The following PDPK1 variants were observed in gnomAD, a reference collection of about 807,000 sequenced individuals.
PDPK1 encodes the protein 3-phosphoinositide-dependent protein kinase 1.
A neutral mutation model predicts 39.8 loss-of-function variants in PDPK1; 7 were observed. That is an observed-to-expected ratio of 0.18 (90% CI 0.10 to 0.33). The LOEUF (loss-of-function observed/expected upper bound fraction) is 0.33. Among genes scored for constraint, PDPK1 ranks in the 10% least tolerant of loss-of-function variants. PDPK1 has a pLI of 1.00. For synonymous variants in PDPK1, 118 were observed against 159.1 expected (o/e 0.74, Z 1.95); for missense variants, 182 against 384.7 (o/e 0.47, Z 4.41).
At chr16:2,540,428 C>T (rs1216534323) in intron 1 of PDPK1, among the ~76,000 whole-genome samples, 3 of 152,160 alleles carry the variant, frequency 2.0e-5, no homozygotes, top group Non-Finnish European at 4.4e-5. Context: ...AGAAGCTGAG[C>T]TGCAGAGGCG....
Position 2,586,687 on chromosome 16 carries a change from C to T in PDPK1, c.1137C>T (p.Leu379=). The T allele has an allele frequency of 1.9e-6, 3 of 1,614,174 alleles. No homozygotes were observed. The highest frequency in any genetic ancestry group is 2.2e-5 in the South Asian group (2 of 91,080). The change falls in exon 11 of 14, where the codon CTC becomes CTT. Residue 379 remains leucine, a synonymous_variant. Coordinates refer to ENST00000342085, the MANE Select transcript of PDPK1 (RefSeq NM_002613.5). Reference sequence around the variant, plus strand: ...CTTCTTCTCTGCAGTATGACAATCTCCTGAGCCAGTTTGGCTGCATGCAGG... The same window carrying T: ...CTTCTTCTCTGCAGTATGACAATCTTCTGAGCCAGTTTGGCTGCATGCAGG... ...DEDCYGNYDN[L]LSQFGCMQVS... is the part of the protein sequence containing the mutation.
intron 1 of PDPK1, among the ~76,000 whole-genome samples, chr16:2,543,438 A>G (rs886296982): frequency 9.6e-6 from 1 of 104,284 alleles, no homozygotes; most frequent in African/African-American, 4.0e-5. Context: ...GAGGGCTCCA[A>G]GGACTTGCTG....
At chr16:2,546,257 T>C (rs2066343999) in intron 1 of PDPK1, among the ~76,000 whole-genome samples, 1 of 151,590 alleles carries the variant, frequency 6.6e-6, no homozygotes, top group Non-Finnish European at 1.5e-5. Context: ...CTAATTTTTG[T>C]GTTTTTAGTA....
At chr16:2,596,957 A>T (rs1249880981) in intron 12 of PDPK1, among the ~76,000 whole-genome samples, 166 bp from the exon 13 acceptor site, 1 of 151,964 alleles carries the variant, frequency 6.6e-6, no homozygotes, top group African/African-American at 2.4e-5. Flanking sequence ...GACCTTAGAA[A>T]CTGGGCCTGG....
chr16:2,573,765 T>TTTC (rs1422128950), intron 6 of PDPK1, among the ~76,000 whole-genome samples: 1 of 137,820 alleles, frequency 7.3e-6, no homozygotes, highest in Non-Finnish European at 1.5e-5. Context: ...AATTGTGAAT[T>TTTC]TTCTTCCCTT....
chr16:2,558,495 A>G (rs2066546452), intron 2 of PDPK1, among the ~76,000 whole-genome samples: 1 of 150,568 alleles, frequency 6.6e-6, no homozygotes, highest in Non-Finnish European at 1.5e-5. Flanking sequence ...CACAAACAGG[A>G]GTATTGTCGC....
At chr16:2,589,048 T>A (rs1361341635) in intron 11 of PDPK1, among the ~76,000 whole-genome samples, 1 of 152,178 alleles carries the variant, frequency 6.6e-6, no homozygotes, top group East Asian at 1.9e-4. Context: ...CTCCGCCTCC[T>A]GGGTTAAAGT....
At position 2,597,096 on chromosome 16, in the gene PDPK1, G is replaced by A; in HGVS notation, c.1402-27G>A. ...GATGCCGTCAGCACTGGCCTCTGAG[G>A]CCTGTTGTTTTGTGTTTTGGCGTCA... On this transcript the variant is annotated intron_variant, in intron 12 of 13. Coordinates refer to ENST00000342085, the MANE Select transcript of PDPK1 (RefSeq NM_002613.5). The surrounding 1 kb of genome is among the most constrained non-coding windows in gnomAD (Gnocchi z 6.3). The A allele has an allele frequency of 6.5e-7, 1 of 1,535,090 alleles. No homozygotes were observed.
chr16:2,595,551 G>C (rs773068241), intron 11 of PDPK1, among the ~76,000 whole-genome samples: 1 of 152,206 alleles, frequency 6.6e-6, no homozygotes, highest in South Asian at 2.1e-4. Flanking sequence ...TGGCAGTGAG[G>C]GGGCAACAGG....
intron 1 of PDPK1, chr16:2,538,752 G>C (rs1295162088): frequency 7.8e-7 from 1 of 1,286,176 alleles, no homozygotes; most frequent in African/African-American, 1.5e-5. Context: ...GGATCACCGA[G>C]GGGAAAGTGA....
At chr16:2,592,280 T>TGG (rs1049002282) in intron 11 of PDPK1, among the ~76,000 whole-genome samples, 1 of 152,024 alleles carries the variant, frequency 6.6e-6, no homozygotes, top group South Asian at 2.1e-4. Flanking sequence ...TGTGCAGAGG[T>TGG]GGGGAGAGGT....
intron 7 of PDPK1, chr16:2,580,082 T>C (rs2066794780): frequency 6.7e-6 from 1 of 149,874 alleles, no homozygotes; most frequent in Admixed American, 6.6e-5. Flanking sequence ...GTGCATTTTA[T>C]AGCTGTTTGC....
intron 1 of PDPK1, among the ~76,000 whole-genome samples, chr16:2,543,651 A>G (rs1170670503): frequency 1.3e-5 from 2 of 151,760 alleles, no homozygotes; most frequent in Non-Finnish European, 2.9e-5. Context: ...CTCCTTGCCT[A>G]GAGAAATTTC....
chr16:2,547,266 T>TCGTCTG (rs1567146712), intron 1 of PDPK1, among the ~76,000 whole-genome samples: 2 of 145,704 alleles, frequency 1.4e-5, no homozygotes, highest in Non-Finnish European at 2.9e-5. Flanking sequence ...AGCGCTAGGT[T>TCGTCTG]CGTCTGCGTT....
intron 12 of PDPK1, among the ~76,000 whole-genome samples, 196 bp from the exon 13 acceptor site, chr16:2,596,927 G>C (rs1465500246): frequency 6.6e-6 from 1 of 152,162 alleles, no homozygotes; most frequent in Non-Finnish European, 1.5e-5. Context: ...AGCAGCAGAG[G>C]CCTGTGCTGC....
rs2067117903 is a variant in PDPK1 at position 2,597,046 on chromosome 16, CCG to C, written c.1402-75_1402-74del. On this transcript the variant is annotated intron_variant, in intron 12 of 13. Transcript: ENST00000342085. This position sits in a 1 kb window ranked among gnomAD's most constrained non-coding sequence, Gnocchi z 6.3. ...CTGTGTCCTGAGCAGCTCCGAGGGG[CCG>C]CCCAGCCCTCTAGGCTCCAGGAGAT... The C allele has an allele frequency of 8.0e-7, 1 of 1,242,924 alleles. No homozygotes were observed. Among genetic ancestry groups the C allele is most frequent in the African/African-American group, 1.5e-5 (1 of 66,336 alleles). The allele number at this position is 1,242,924 out of a possible 1,614,324, so 77.0% of individuals were successfully genotyped here.
chr16:2,545,348 T>A (rs1049508343), intron 1 of PDPK1, among the ~76,000 whole-genome samples: 4 of 151,740 alleles, frequency 2.6e-5, no homozygotes, highest in Non-Finnish European at 5.9e-5. Flanking sequence ...TTTTTTTTTT[T>A]AGAGACAGAG....
At chr16:2,585,671 G>T (rs1378536606) in intron 10 of PDPK1, among the ~76,000 whole-genome samples, 3 of 152,208 alleles carry the variant, frequency 2.0e-5, no homozygotes, top group African/African-American at 4.8e-5. Context: ...GGGCCGGCGT[G>T]GAGGGGCCGG....
At chr16:2,595,286 C>T (rs913248557) in intron 11 of PDPK1, among the ~76,000 whole-genome samples, 3 of 152,204 alleles carry the variant, frequency 2.0e-5, no homozygotes, top group East Asian at 1.9e-4. Flanking sequence ...GATGTTCTTA[C>T]GTCCAACTTG....
Sources: allele counts gnomAD v4.1 joint callset (sites outside exome capture counted in the v4.1 genomes callset), GRCh38; gene constraint gnomAD v4.1.1; non-coding constraint Gnocchi (gnomAD v3.1); transcripts MANE v1.5; gene names NCBI Gene and HGNC (gene_info 2026-07-23, HGNC 2026-07-21).